SPECC1L: variants seen among roughly 807,000 people sequenced by gnomAD.
The protein encoded by SPECC1L is sperm antigen with calponin homology and coiled-coil domains 1 like, also known as cytospin-A.
A neutral mutation model predicts 116.8 loss-of-function variants in SPECC1L; 40 were observed. The ratio of observed to expected loss-of-function variants is 0.34; its 90% CI spans 0.27 to 0.45. The LOEUF is 0.45. SPECC1L is among the 20% of genes least tolerant of loss of function. SPECC1L has a pLI of 1.00. For missense variants in SPECC1L, 1,110 were observed against 1,373.6 expected (o/e 0.81, Z 3.03); for synonymous variants, 504 against 500.6 (o/e 1.01, Z -0.09).
chr22:24,353,996 G>A (rs2041477294), intron 11 of SPECC1L, among the ~76,000 whole-genome samples: 1 of 152,222 alleles, frequency 6.6e-6, no homozygotes, highest in Non-Finnish European at 1.5e-5. Flanking sequence ...CATCCGCTCA[G>A]CTTCTGGTGA....
intron 3 of SPECC1L, among the ~76,000 whole-genome samples, chr22:24,308,758 T>C (rs2049553795): frequency 6.6e-6 from 1 of 152,226 alleles, no homozygotes; most frequent in Non-Finnish European, 1.5e-5. Flanking sequence ...ATTTTCTAAT[T>C]CTGTCATTCC....
At chr22:24,385,248 G>A (rs933381494) in intron 14 of SPECC1L, among the ~76,000 whole-genome samples, 4 of 151,706 alleles carry the variant, frequency 2.6e-5, no homozygotes, top group Admixed American at 6.6e-5. Flanking sequence ...GGAAAATAAG[G>A]GGCTAATAGA....
rs996045543 is a variant in SPECC1L at position 24,415,446 on chromosome 22, A to T, written c.*823A>T. The T allele has an allele frequency of 1.3e-5, 2 of 152,666 alleles. No individual in the cohort carries two copies. Among genetic ancestry groups the T allele is most frequent in the African/African-American group, 2.4e-5 (1 of 41,448 alleles). 9.5% of individuals were successfully genotyped at this position (152,666 alleles called of 1,614,324 possible). ...TAACATTTTTGTTTTGTTACGAGCA[A>T]TGCTGGAAAAGGTCGCTCCTGTTCT... On this transcript the variant is annotated 3_prime_UTR_variant, in exon 17 of 17. Coordinates refer to ENST00000314328, the MANE Select transcript of SPECC1L (RefSeq NM_015330.6).
rs1269860468 is a variant in SPECC1L, at chr22:24,336,405, C to T, written c.2560+1832C>T. ...TACCCAGAACTGTTGTTAGTGGCCACCTCTGGGTAATATGATGGGGTAAGA... is the reference window on the plus strand; with the variant it reads ...TACCCAGAACTGTTGTTAGTGGCCATCTCTGGGTAATATGATGGGGTAAGA... On this transcript the variant is annotated intron_variant, in intron 9 of 16. Coordinates refer to ENST00000314328, the MANE Select transcript of SPECC1L (RefSeq NM_015330.6). 2.0e-5 allele frequency among the ~76,000 whole-genome samples: 3 copies of T among 151,842 alleles called. No homozygotes were observed. The East Asian group carries it at 5.8e-4, about 29-fold the overall frequency.
intron 2 of SPECC1L, among the ~76,000 whole-genome samples, chr22:24,291,994 G>T (rs531886825): frequency 6.6e-6 from 1 of 152,262 alleles, no homozygotes; most frequent in African/African-American, 2.4e-5. Flanking sequence ...TTCTAATGGA[G>T]GTGAATAGGA....
Position 24,352,864 on chromosome 22 carries a change from T to A in SPECC1L, c.2743+5688T>A, listed in dbSNP as rs546035392. On this transcript the variant is annotated intron_variant, in intron 11 of 16. Coordinates refer to ENST00000314328, the MANE Select transcript of SPECC1L (RefSeq NM_015330.6). ...TCTCCCCAACATATTATAATGAAAA[T>A]TTTCAAACATACAGAAAAGTTGCAA... is the stretch of plus-strand genomic sequence containing the variant. Among the ~76,000 whole-genome samples, 16 of 152,280 alleles carry A rather than the reference T, an allele frequency of 1.1e-4. No individual in the cohort carries two copies. The South Asian group carries it at 2.7e-3, about 26-fold the overall frequency.
intron 14 of SPECC1L, among the ~76,000 whole-genome samples, chr22:24,395,136 T>C (rs1186519426): frequency 6.6e-6 from 1 of 152,218 alleles, no homozygotes; most frequent in African/African-American, 2.4e-5. Context: ...CCAGAAATTC[T>C]TAATTTTAAT....
At position 24,382,362 on chromosome 22, in the gene SPECC1L, A is replaced by G. The variant is rs138722156; in HGVS notation, c.3087+13042A>G. ...ACTAAAATTTGAATTGAGGGATTCT[A>G]AGGCAGCCAAGATGTTGAGGGTCCA... On this transcript the variant is annotated intron_variant, in intron 14 of 16. Coordinates refer to ENST00000314328, the MANE Select transcript of SPECC1L (RefSeq NM_015330.6). 7.8e-3 allele frequency among the ~76,000 whole-genome samples: 1,180 copies of G among 152,228 alleles called. 9 individuals are homozygous for G. Among genetic ancestry groups the G allele is most frequent in the South Asian group, 0.024 (116 of 4,824 alleles).
Position 24,412,656 on chromosome 22 carries a change from C to T in SPECC1L, c.3213C>T (p.Asn1071=). 2 of 1,614,190 alleles carry T rather than the reference C, an allele frequency of 1.2e-6. No homozygotes were observed. The highest frequency in any genetic ancestry group is 1.7e-6 in the Non-Finnish European group (2 of 1,180,040). ...CACAGTTTCTTTTACAGAGAAGGAACTTCATGCTGGCTTTCCAGGCAGCTG... is the reference window on the plus strand; with the variant it reads ...CACAGTTTCTTTTACAGAGAAGGAATTTCATGCTGGCTTTCCAGGCAGCTG... The part of the protein sequence containing the change: ...QELNSQDKRR[N]FMLAFQAAES... The change falls in exon 16 of 17, where the codon AAC becomes AAT. Residue 1071 remains asparagine (N), a synonymous_variant. Transcript: ENST00000314328.
chr22:24,412,106 G>A (rs2042709652), intron 15 of SPECC1L: 4 of 366,392 alleles, frequency 1.1e-5, no homozygotes, highest in Admixed American at 7.5e-5. Flanking sequence ...TGCACTGTGG[G>A]CCTTAGAACT....
chr22:24,376,436 T>C (rs115786334), intron 14 of SPECC1L, among the ~76,000 whole-genome samples: 5,157 of 152,254 alleles, frequency 0.034, 177 homozygotes, highest in African/African-American at 0.083. Context: ...TTACATATAG[T>C]AACAGTAAAT....
At chr22:24,281,552 C>T (rs1389027648) in intron 2 of SPECC1L, among the ~76,000 whole-genome samples, 1 of 152,170 alleles carries the variant, frequency 6.6e-6, no homozygotes, top group East Asian at 1.9e-4. Context: ...GTCAGATTTA[C>T]TTCTATTTCA....
chr22:24,386,004 C>T (rs1289082883), intron 14 of SPECC1L, among the ~76,000 whole-genome samples: 1 of 151,616 alleles, frequency 6.6e-6, no homozygotes, highest in African/African-American at 2.4e-5. Flanking sequence ...CAAAAGATTT[C>T]AATGAATTAA....
chr22:24,414,476 A>T, intron 16 of SPECC1L, 58 bp from the exon 17 acceptor site: 2 of 1,473,726 alleles, frequency 1.4e-6, no homozygotes. Flanking sequence ...GGCAGAGCCC[A>T]TTGGCACAGC....
intron 6 of SPECC1L, among the ~76,000 whole-genome samples, chr22:24,327,277 C>CA (rs58725731): frequency 0.18 from 7,527 of 41,952 alleles, 1,500 homozygotes; most frequent in Non-Finnish European, 0.25. Context: ...GACTCCGTCT[C>CA]AAAAAAAAAA....
At chr22:24,312,903 G>A (rs1413760941) in intron 3 of SPECC1L, among the ~76,000 whole-genome samples, 3 of 152,094 alleles carry the variant, frequency 2.0e-5, no homozygotes, top group Non-Finnish European at 4.4e-5. Context: ...TTAGATACTG[G>A]CCTCATCATG....
chr22:24,375,278 A>G (rs2041950242), intron 14 of SPECC1L, among the ~76,000 whole-genome samples: 1 of 152,224 alleles, frequency 6.6e-6, no homozygotes, highest in South Asian at 2.1e-4. Context: ...ATACTTCTCA[A>G]ACTCTTCCAA....
At chr22:24,343,975 G>C (rs979197878) in intron 10 of SPECC1L, among the ~76,000 whole-genome samples, 4 of 152,066 alleles carry the variant, frequency 2.6e-5, no homozygotes, top group Non-Finnish European at 4.4e-5. Context: ...AAATAAAAAG[G>C]CTTCCCACAT....
chr22:24,340,048 G>T (rs1032893193), intron 10 of SPECC1L, among the ~76,000 whole-genome samples: 1 of 151,352 alleles, frequency 6.6e-6, no homozygotes, highest in Non-Finnish European at 1.5e-5. Context: ...TCCTCCCAAA[G>T]TGCTGGGATT....
Sources: gnomAD v4.1 joint callset for allele counts (sites outside exome capture counted in the v4.1 genomes callset) on GRCh38, gnomAD v4.1.1 for gene constraint, MANE v1.5 for transcripts, NCBI Gene and HGNC (gene_info 2026-07-23, HGNC 2026-07-21) for gene names.